The following CTNNA3 variants were observed in gnomAD, a reference collection of about 807,000 sequenced individuals.
The protein encoded by CTNNA3 is catenin alpha 3, also known as catenin alpha-3.
CTNNA3 carries 76 observed loss-of-function variants against 95.7 expected under a neutral mutation model. That is an observed-to-expected ratio of 0.79 (90% CI 0.66 to 0.96). The LOEUF is 0.96. CTNNA3 is among the 40% of genes least tolerant of loss of function. CTNNA3 has a pLI of 0.00. For missense variants in CTNNA3, 1,191 were observed against 1,089.8 expected (o/e 1.09, Z -1.31); for synonymous variants, 431 against 374.4 (o/e 1.15, Z -1.74).
intron 11 of CTNNA3, among the ~76,000 whole-genome samples, chr10:66,442,171 T>A (rs1272854279): frequency 6.6e-6 from 1 of 152,160 alleles, no homozygotes; most frequent in East Asian, 1.9e-4. Context: ...TTACAGTATA[T>A]TAGTTATTAT....
At chr10:67,229,238 T>C (rs1274236578) in intron 5 of CTNNA3, among the ~76,000 whole-genome samples, 1 of 152,198 alleles carries the variant, frequency 6.6e-6, no homozygotes, top group Non-Finnish European at 1.5e-5. Flanking sequence ...TCTCAATAGA[T>C]GCAGAAAAAG....
intron 9 of CTNNA3, among the ~76,000 whole-genome samples, chr10:66,744,240 G>T (rs1177944933): frequency 6.6e-6 from 1 of 152,056 alleles, no homozygotes; most frequent in Non-Finnish European, 1.5e-5. Flanking sequence ...GTTAAGGTTT[G>T]CTTGTCTATT....
rs544103304 is a variant in CTNNA3, at chr10:67,704,386, G to A, written c.-1-56872C>T. ...ACCTGACTTCAAACTATACTACAAG[G>A]CTACAGTAACCAAAACAGCATGGTA... On this transcript the variant is annotated intron_variant, in intron 1 of 17. Coordinates refer to the CTNNA3 transcript ENST00000684154. Among the ~76,000 whole-genome samples, 10 of 152,226 alleles carry A rather than the reference G, an allele frequency of 6.6e-5. No individual in the cohort carries two copies. In the South Asian group the frequency reaches 1.9e-3, roughly 28 times the overall value.
At chr10:66,362,155 T>A (rs10997089) in intron 12 of CTNNA3, among the ~76,000 whole-genome samples, 52,037 of 142,330 alleles carry the variant, frequency 0.37, 10,714 homozygotes, top group Non-Finnish European at 0.47. Context: ...CAGGCTGGAG[T>A]GCAGTTGTGC....
chr10:66,174,483 G>T (rs2085604946), intron 13 of CTNNA3, among the ~76,000 whole-genome samples: 1 of 151,994 alleles, frequency 6.6e-6, no homozygotes, highest in South Asian at 2.1e-4. Context: ...TTCAAAGAAG[G>T]TATGTACAAT....
At chr10:66,780,131 T>G (rs1400709723) in intron 7 of CTNNA3, among the ~76,000 whole-genome samples, 20 of 152,244 alleles carry the variant, frequency 1.3e-4, no homozygotes, top group Non-Finnish European at 2.8e-4. Flanking sequence ...GTAAAAGTGT[T>G]AGGAGAGGCC....
intron 12 of CTNNA3, among the ~76,000 whole-genome samples, chr10:66,324,613 T>C (rs72801025): frequency 0.085 from 12,991 of 152,164 alleles, 710 homozygotes; most frequent in East Asian, 0.21. Flanking sequence ...CCCATCTGCA[T>C]GCTCCCCTTC....
intron 9 of CTNNA3, among the ~76,000 whole-genome samples, chr10:66,757,292 T>TCATA (rs1839400635): frequency 6.6e-6 from 1 of 152,110 alleles, no homozygotes; most frequent in Non-Finnish European, 1.5e-5. Flanking sequence ...CTAAATGCAT[T>TCATA]TTAGATTAGG....
chr10:67,722,371 G>A (rs1333377371), intron 1 of CTNNA3, among the ~76,000 whole-genome samples: 1 of 152,114 alleles, frequency 6.6e-6, no homozygotes, highest in Non-Finnish European at 1.5e-5. Flanking sequence ...TAGAAGGTGA[G>A]GCAAAGCATG....
chr10:67,498,116 G>A (rs1411477945), intron 5 of CTNNA3, among the ~76,000 whole-genome samples: 7 of 152,124 alleles, frequency 4.6e-5, no homozygotes, highest in Admixed American at 4.6e-4. Context: ...TTTGTATAAG[G>A]TGTAAGGAAG....
At chr10:66,973,673 G>A (rs1439846966) in intron 7 of CTNNA3, among the ~76,000 whole-genome samples, 1 of 152,126 alleles carries the variant, frequency 6.6e-6, no homozygotes, top group Non-Finnish European at 1.5e-5. Context: ...ACCCCAGCTG[G>A]AGTACAGTGG....
At chr10:66,496,540 A>G (rs1840105784) in intron 11 of CTNNA3, among the ~76,000 whole-genome samples, 1 of 152,226 alleles carries the variant, frequency 6.6e-6, no homozygotes, top group Admixed American at 6.5e-5. Context: ...GTTGTCACAA[A>G]TAAATTCAGG....
chr10:67,484,114 T>A (rs915475860), intron 5 of CTNNA3, among the ~76,000 whole-genome samples: 5 of 152,118 alleles, frequency 3.3e-5, no homozygotes, highest in Non-Finnish European at 7.4e-5. Flanking sequence ...GGGCATGGTA[T>A]TTGTACAAAA....
At chr10:66,262,703 G>C (rs550782013) in intron 13 of CTNNA3, among the ~76,000 whole-genome samples, 5 of 152,084 alleles carry the variant, frequency 3.3e-5, no homozygotes, top group Admixed American at 6.6e-5. Flanking sequence ...AGAAAAATCT[G>C]AGCTAGAGGG....
chr10:67,533,862 T>C (rs749063575), intron 4 of CTNNA3, among the ~76,000 whole-genome samples: 5 of 152,004 alleles, frequency 3.3e-5, no homozygotes, highest in Non-Finnish European at 5.9e-5. Context: ...GAGAGTAACA[T>C]CTCATTTATC....
intron 9 of CTNNA3, among the ~76,000 whole-genome samples, chr10:66,653,424 G>T (rs1366795396): frequency 6.6e-6 from 1 of 151,962 alleles, no homozygotes; most frequent in Non-Finnish European, 1.5e-5. Context: ...CCTGTGGATT[G>T]AAAACTCTGA....
intron 15 of CTNNA3, among the ~76,000 whole-genome samples, chr10:66,005,971 C>A (rs775893392): frequency 1.3e-5 from 2 of 150,642 alleles, no homozygotes; most frequent in Non-Finnish European, 2.9e-5. Context: ...TGGTGCCTTT[C>A]CAGACTCATA....
intron 7 of CTNNA3, among the ~76,000 whole-genome samples, chr10:66,807,881 T>C (rs1841718867): frequency 6.6e-6 from 1 of 152,098 alleles, no homozygotes; most frequent in Non-Finnish European, 1.5e-5. Flanking sequence ...CCACTTTGAC[T>C]CGGGCTATCA....
intron 5 of CTNNA3, among the ~76,000 whole-genome samples, chr10:67,261,952 A>G (rs1306306659): frequency 2.0e-5 from 3 of 152,168 alleles, no homozygotes; most frequent in Non-Finnish European, 4.4e-5. Context: ...ATACTAACAC[A>G]AATGTAGCAC....
Sources: gnomAD v4.1 joint callset for allele counts (sites outside exome capture counted in the v4.1 genomes callset) on GRCh38, gnomAD v4.1.1 for gene constraint, MANE v1.5 for transcripts, NCBI Gene and HGNC (gene_info 2026-07-23, HGNC 2026-07-21) for gene names.